The following ESPNL variants were observed in gnomAD, a reference collection of about 807,000 sequenced individuals.
The protein encoded by ESPNL is espin-like protein.
In ESPNL, 49 loss-of-function variants were observed where a neutral mutation model predicts 46.8. That is an observed-to-expected ratio of 1.05 (90% CI 0.83 to 1.33). ESPNL has a LOEUF of 1.33. ESPNL is among the 40% of genes most tolerant of loss of function. ESPNL has a pLI of 0.00. For missense variants in ESPNL, 1,540 were observed against 1,436.6 expected (o/e 1.07, Z -1.16); for synonymous variants, 664 against 662.1 (o/e 1.00, Z -0.04).
intron 5 of ESPNL, among the ~76,000 whole-genome samples, chr2:238,122,957 C>T (rs747887138): frequency 3.3e-5 from 5 of 152,234 alleles, no homozygotes; most frequent in African/African-American, 2.4e-5. Flanking sequence ...ATGTCTTGAA[C>T]GTGGACAAAG....
chr2:238,103,023 C>T (rs914685526), intron 2 of ESPNL, among the ~76,000 whole-genome samples: 8 of 152,226 alleles, frequency 5.3e-5, no homozygotes, highest in Admixed American at 3.3e-4. Context: ...CTTTGGGATT[C>T]GCTTCTGTGG....
chr2:238,117,296 G>A (rs1272159304), intron 5 of ESPNL, among the ~76,000 whole-genome samples: 3 of 152,208 alleles, frequency 2.0e-5, no homozygotes, highest in Non-Finnish European at 4.4e-5. Context: ...GCTGTGACAA[G>A]GACAGGGGCT....
intron 4 of ESPNL, among the ~76,000 whole-genome samples, chr2:238,112,550 T>C (rs965162135): frequency 6.6e-6 from 1 of 152,214 alleles, no homozygotes; most frequent in African/African-American, 2.4e-5. Context: ...ATCTTTGTTA[T>C]TACTTTCTTT....
intron 2 of ESPNL, 103 bp downstream of exon 2, chr2:238,102,234 G>A (rs1288219772): frequency 2.8e-6 from 3 of 1,054,934 alleles, no homozygotes; most frequent in East Asian, 5.2e-5. Context: ...GGCCTTTGAG[G>A]TGAATCCTGC....
At chr2:238,104,512 G>A (rs557056967) in intron 2 of ESPNL, 144 bp from the exon 3 acceptor site, 61 of 955,628 alleles carry the variant, frequency 6.4e-5, no homozygotes, top group Non-Finnish European at 8.7e-5. Context: ...CTGGAGGGGG[G>A]AACCCCGCAG....
At chr2:238,101,902 G>A (rs1399440208) in intron 1 of ESPNL, 39 bp from the exon 2 acceptor site, 1 of 1,528,168 alleles carries the variant, frequency 6.5e-7, no homozygotes, top group East Asian at 2.3e-5. Flanking sequence ...TGACCTCACG[G>A]CCTACCCCCC....
chr2:238,122,132 G>C (rs1395043314), intron 5 of ESPNL, among the ~76,000 whole-genome samples: 1 of 152,266 alleles, frequency 6.6e-6, no homozygotes, highest in Non-Finnish European at 1.5e-5. Flanking sequence ...CAGGGCAACT[G>C]TCCAATGCTG....
At chr2:238,122,097 C>T (rs1419415068) in intron 5 of ESPNL, among the ~76,000 whole-genome samples, 2 of 152,258 alleles carry the variant, frequency 1.3e-5, no homozygotes, top group African/African-American at 4.8e-5. Context: ...CGGTCGGGGC[C>T]GTGGGGCCAC....
intron 4 of ESPNL, among the ~76,000 whole-genome samples, chr2:238,108,218 G>A (rs1239912471): frequency 1.3e-5 from 2 of 152,156 alleles, no homozygotes; most frequent in African/African-American, 4.8e-5. Flanking sequence ...AAACTCCCTC[G>A]TGCCTGGTCA....
In ESPNL at chr2:238,130,512, G is replaced by A. The variant is rs199652360; in HGVS notation, c.1798G>A (p.Val600Ile). 6.3e-7 allele frequency: 1 copy of A among 1,598,522 alleles called. No individual in the cohort carries two copies. The highest frequency in any genetic ancestry group is 8.5e-7 in the Non-Finnish European group (1 of 1,172,760). The change falls in exon 9 of 9, where the codon GTA becomes ATA. Residue 600 changes from valine to isoleucine, a missense_variant. Physicochemically the swap from Val to Ile is conservative, Grantham distance 29 (BLOSUM62 3). Transcript: ENST00000343063. ...PFWCSHISRL[V>I]RSLSLLLKGV... ...CTGGTGCAGCCACATCTCCCGCCTG[G>A]TACGCAGCCTGTCCCTGCTGCTGAA... is the stretch of plus-strand genomic sequence containing the variant.
chr2:238,104,704 C>T lies in ESPNL; in HGVS notation c.534C>T (p.Ala178=), dbSNP rs1691556432. Residue 178 remains alanine, a synonymous_variant, in exon 3 of 9, where the codon GCC becomes GCT. Coordinates refer to ENST00000343063, the MANE Select transcript of ESPNL (RefSeq NM_194312.4). ...GTGGCGCCTCCCCACTCTACCTGGC[C>T]TGCCAGGAGGGCCACCTGCACCTGG... is the stretch of plus-strand genomic sequence containing the variant. ...TRSGASPLYL[A]CQEGHLHLAQ... is the part of the protein sequence containing the mutation. 6.2e-7 allele frequency: 1 copy of T among 1,607,412 alleles called. No individual in the cohort carries two copies. The highest frequency in any genetic ancestry group is 8.5e-7 in the Non-Finnish European group (1 of 1,178,098).
At chr2:238,105,233 C>T (rs1691569780) in intron 3 of ESPNL, among the ~76,000 whole-genome samples, 1 of 152,124 alleles carries the variant, frequency 6.6e-6, no homozygotes, top group South Asian at 2.1e-4. Context: ...GCCTGAGATC[C>T]CCAGGCCAGC....
intron 8 of ESPNL, 84 bp from the exon 9 acceptor site, chr2:238,130,044 T>C (rs1023574841): frequency 2.9e-5 from 43 of 1,473,346 alleles, no homozygotes; most frequent in Non-Finnish European, 3.7e-5. Context: ...GCAGAGATAC[T>C]GAGAACTCAG....
At chr2:238,126,909 G>C (rs1230377077) in intron 6 of ESPNL, among the ~76,000 whole-genome samples, 21 of 123,288 alleles carry the variant, frequency 1.7e-4, no homozygotes, top group Middle Eastern at 4.1e-3. Flanking sequence ...GATTGTGTGT[G>C]TATGATCGTG....
At chr2:238,107,658 G>C in intron 3 of ESPNL, 133 bp from the exon 4 acceptor site, 1 of 906,102 alleles carries the variant, frequency 1.1e-6, no homozygotes, top group Non-Finnish European at 1.6e-6. Context: ...CCCTGTCCGG[G>C]GTTTCCTGAG....
intron 5 of ESPNL, among the ~76,000 whole-genome samples, chr2:238,123,663 C>T (rs1389993136): frequency 1.3e-5 from 2 of 152,184 alleles, no homozygotes; most frequent in African/African-American, 4.8e-5. Flanking sequence ...CTCCTGGGGG[C>T]GGCAGCCTCA....
In ESPNL at chr2:238,132,285, T is replaced by C; in HGVS notation, c.*553T>C. ...GGAGGCCTTCCTGCCAGGCCATCCC[T>C]GCTGGTCACACACCGATGCCCGCCA... is the stretch of plus-strand genomic sequence containing the variant. On this transcript the variant is annotated 3_prime_UTR_variant, in exon 9 of 9. Coordinates refer to ENST00000343063, the MANE Select transcript of ESPNL (RefSeq NM_194312.4). The C allele has an allele frequency of 6.5e-6, 1 of 153,768 alleles. No individual in the cohort carries two copies. Among genetic ancestry groups the C allele is most frequent in the Non-Finnish European group, 1.4e-5 (1 of 69,080 alleles). The allele number at this position is 153,768 out of a possible 1,614,324, so 9.5% of individuals were successfully genotyped here.
intron 5 of ESPNL, among the ~76,000 whole-genome samples, chr2:238,119,610 G>A (rs1401528373): frequency 2.6e-5 from 4 of 151,858 alleles, no homozygotes; most frequent in African/African-American, 9.7e-5. Flanking sequence ...GAGGGGAGCT[G>A]GAGGAGGGGA....
At chr2:238,101,640 G>C (rs375789287) in intron 1 of ESPNL, among the ~76,000 whole-genome samples, 1 of 152,162 alleles carries the variant, frequency 6.6e-6, no homozygotes, top group South Asian at 2.1e-4. Context: ...AGGTGTCTGC[G>C]GGCACCCGAC....
Sources: allele counts gnomAD v4.1 joint callset (sites outside exome capture counted in the v4.1 genomes callset), GRCh38; gene constraint gnomAD v4.1.1; transcripts MANE v1.5; gene names NCBI Gene and HGNC (gene_info 2026-07-23, HGNC 2026-07-21).